The following TTK variants were observed in gnomAD, a reference collection of about 807,000 sequenced individuals.
The protein encoded by TTK is TTK protein kinase, also known as dual specificity protein kinase TTK.
TTK carries 59 observed loss-of-function variants against 117.3 expected under a neutral mutation model. That is an observed-to-expected ratio of 0.50 (90% CI 0.41 to 0.62). TTK has a LOEUF of 0.62. Among genes scored for constraint, TTK ranks in the 20% least tolerant of loss-of-function variants. TTK has a pLI of 0.00. For synonymous variants in TTK, 302 were observed against 325.0 expected (o/e 0.93, Z 0.76); for missense variants, 921 against 989.4 (o/e 0.93, Z 0.93).
chr6:80,012,379 A>C (rs370559286), intron 8 of TTK, among the ~76,000 whole-genome samples: 2 of 152,004 alleles, frequency 1.3e-5, no homozygotes, highest in Non-Finnish European at 2.9e-5. Flanking sequence ...AATCGCTGTC[A>C]GTGGGATAGA....
intron 6 of TTK, 78 bp downstream of exon 6, chr6:80,011,626 T>C: frequency 6.5e-7 from 1 of 1,527,276 alleles, no homozygotes; most frequent in Non-Finnish European, 9.0e-7. Context: ...ATTACATGTA[T>C]CTGCATATAT....
chr6:80,013,285 C>A lies in TTK; in HGVS notation c.903C>A (p.Thr301=). Reference sequence around the variant, plus strand: ...TTTGTTTCACGGGTAAAAGACAAACCTCTAGATCAGAATGCCGAGATTTGG... The same window carrying A: ...TTTGTTTCACGGGTAAAAGACAAACATCTAGATCAGAATGCCGAGATTTGG... ...SVVPCFMKRQ[T]SRSECRDLVV... Residue 301 remains threonine (T), a synonymous_variant, in exon 9 of 22, where the codon ACC becomes ACA. Transcript: ENST00000369798. 6.3e-7 allele frequency: 1 copy of A among 1,596,508 alleles called. No individual in the cohort carries two copies. Among genetic ancestry groups the A allele is most frequent in the Non-Finnish European group, 8.5e-7 (1 of 1,174,548 alleles).
At chr6:80,010,742 A>G (rs1767119355) in intron 4 of TTK, 72 bp from the exon 5 acceptor site, 2 of 1,447,122 alleles carry the variant, frequency 1.4e-6, no homozygotes, top group African/African-American at 1.5e-5. Flanking sequence ...GTCCTGATGA[A>G]TACGTATCTG....
chr6:80,028,128 C>A, intron 13 of TTK, 117 bp downstream of exon 13: 1 of 1,175,430 alleles, frequency 8.5e-7, no homozygotes, highest in Non-Finnish European at 1.1e-6. Context: ...TTCTTATTTC[C>A]ACTAGACAAA....
In TTK at chr6:80,036,610, A is replaced by G. The variant is rs1391053599; in HGVS notation, c.2049+11A>G. ...GTTAAAGATTCTCAGGTAAGACTTAATGTTGGTTCTCTCACAGTAGAGTTC... is the reference window on the plus strand; with the variant it reads ...GTTAAAGATTCTCAGGTAAGACTTAGTGTTGGTTCTCTCACAGTAGAGTTC... On this transcript the variant is annotated intron_variant, in intron 17 of 21. Coordinates refer to ENST00000369798, the MANE Select transcript of TTK (RefSeq NM_003318.5). 6.2e-7 allele frequency: 1 copy of G among 1,602,260 alleles called. No homozygotes were observed. Among genetic ancestry groups the G allele is most frequent in the Non-Finnish European group, 8.5e-7 (1 of 1,175,128 alleles).
intron 14 of TTK, among the ~76,000 whole-genome samples, chr6:80,034,444 A>G (rs566407029): frequency 5.3e-5 from 8 of 152,308 alleles, no homozygotes; most frequent in Admixed American, 2.0e-4. Context: ...TAGAGAAAAC[A>G]ACATCTGTGA....
chr6:80,011,014 T>A, intron 5 of TTK, 57 bp downstream of exon 5: 2 of 1,509,932 alleles, frequency 1.3e-6, no homozygotes, highest in Non-Finnish European at 8.9e-7. Flanking sequence ...AAATAAAGAT[T>A]CGGGATAATA....
At chr6:80,030,542 G>A (rs1302455620) in intron 13 of TTK, among the ~76,000 whole-genome samples, 2 of 152,108 alleles carry the variant, frequency 1.3e-5, no homozygotes, top group Non-Finnish European at 2.9e-5. Context: ...CTTCTGGGGA[G>A]GCCTCAGGAA....
intron 2 of TTK, 94 bp downstream of exon 2, chr6:80,006,076 A>G (rs1330958680): frequency 1.3e-6 from 2 of 1,483,390 alleles, no homozygotes; most frequent in Non-Finnish European, 1.8e-6. Flanking sequence ...TAATTTACTC[A>G]TGTGTTTATT....
chr6:80,030,651 G>T (rs1312346247), intron 13 of TTK, among the ~76,000 whole-genome samples: 1 of 152,030 alleles, frequency 6.6e-6, no homozygotes, highest in Admixed American at 6.6e-5. Flanking sequence ...ACTTTTAAAT[G>T]ACCAGATCTC....
chr6:80,036,651 T>A, intron 17 of TTK, 52 bp downstream of exon 17: 2 of 1,534,490 alleles, frequency 1.3e-6, no homozygotes, highest in Non-Finnish European at 1.8e-6. Flanking sequence ...TTTTTTTACC[T>A]GTGAAGTATT....
chr6:80,018,965 C>G (rs1006583670), intron 10 of TTK, among the ~76,000 whole-genome samples: 2 of 152,094 alleles, frequency 1.3e-5, no homozygotes, highest in Non-Finnish European at 2.9e-5. Context: ...TATTTTCCGT[C>G]TCTATTCTGT....
chr6:80,022,773 A>G (rs1386310107), intron 11 of TTK, among the ~76,000 whole-genome samples: 2 of 152,174 alleles, frequency 1.3e-5, no homozygotes, highest in Non-Finnish European at 2.9e-5. Context: ...ACACTGACAC[A>G]CTCATTCATT....
rs1177612883 is a variant in TTK, at chr6:80,042,398, G to C, written c.*196G>C. 8.7e-6 allele frequency: 3 copies of C among 343,080 alleles called. No individual in the cohort carries two copies. The highest frequency in any genetic ancestry group is 9.2e-5 in the Admixed American group (2 of 21,830). 21.3% of individuals were successfully genotyped at this position (343,080 alleles called of 1,614,324 possible). ...ATGGCACTGTATATATTGTAGACTT[G>C]TTTTCTCTGTTTTATGCTCTTGTGT... On this transcript the variant is annotated 3_prime_UTR_variant, in exon 22 of 22. Coordinates refer to ENST00000369798, the MANE Select transcript of TTK (RefSeq NM_003318.5).
intron 10 of TTK, among the ~76,000 whole-genome samples, chr6:80,021,766 T>C (rs1405437529): frequency 1.3e-5 from 2 of 152,100 alleles, no homozygotes; most frequent in South Asian, 2.1e-4. Flanking sequence ...ACTCCCCCCA[T>C]GCAAGAGGAG....
chr6:80,024,632 G>C (rs1351447702), intron 11 of TTK, among the ~76,000 whole-genome samples: 1 of 152,174 alleles, frequency 6.6e-6, no homozygotes, highest in Non-Finnish European at 1.5e-5. Flanking sequence ...TAATGGGTGT[G>C]AGTTTTCTTT....
rs778365956 is a variant in TTK, at chr6:80,005,740, A to G, written c.-2-102A>G. ...ATAATAGCTGCATTTAGATGTGTTCACAAAACGAATGCTTTAGTCGTCTGG... is the reference window on the plus strand; with the variant it reads ...ATAATAGCTGCATTTAGATGTGTTCGCAAAACGAATGCTTTAGTCGTCTGG... On this transcript the variant is annotated intron_variant, in intron 1 of 21. Coordinates refer to ENST00000369798, the MANE Select transcript of TTK (RefSeq NM_003318.5). The G allele has an allele frequency of 1.6e-4, 213 of 1,356,254 alleles. 3 individuals carry two copies. In the Middle Eastern group the frequency reaches 2.5e-3, roughly 16 times the overall value. The allele number at this position is 1,356,254 out of a possible 1,614,324, so 84.0% of individuals were successfully genotyped here. A position where few individuals can be genotyped will look rare whatever the true frequency, so the allele number is the denominator to read the frequency against.
intron 12 of TTK, among the ~76,000 whole-genome samples, chr6:80,027,667 G>C (rs1210122776): frequency 3.3e-5 from 5 of 151,968 alleles, no homozygotes; most frequent in Admixed American, 2.6e-4. Context: ...AAGATTTCTT[G>C]TCTGCATACA....
At chr6:80,026,345 A>G (rs1767603894) in intron 11 of TTK, 33 bp from the exon 12 acceptor site, 1 of 1,583,302 alleles carries the variant, frequency 6.3e-7, no homozygotes, top group African/African-American at 1.4e-5. Flanking sequence ...CTAATTTAAA[A>G]ACTAAATCAT....
Sources: allele counts gnomAD v4.1 joint callset (sites outside exome capture counted in the v4.1 genomes callset), GRCh38; gene constraint gnomAD v4.1.1; transcripts MANE v1.5; gene names NCBI Gene and HGNC (gene_info 2026-07-23, HGNC 2026-07-21).